C10orf67: variants seen among roughly 807,000 people sequenced by gnomAD.
C10orf67 encodes the protein chromosome 10 open reading frame 67, also known as uncharacterized protein C10orf67, mitochondrial.
Under a neutral mutation model 35.6 loss-of-function variants are expected in C10orf67, and 60 were observed. The ratio of observed to expected loss-of-function variants is 1.68; its 90% confidence interval spans 1.37 to 2.09. The LOEUF is 2.09. Among genes scored for constraint, C10orf67 ranks in the 30% most tolerant of loss-of-function variants. The probability of loss-of-function intolerance (pLI) is 0.00; values close to 1 mark genes in which losing one functional copy is unlikely to be tolerated. For synonymous variants in C10orf67, 167 were observed against 115.8 expected, an observed-to-expected ratio of 1.44 and a Z score of -2.84; for missense variants, 474 against 330.2, an observed-to-expected ratio of 1.44 and a Z score of -3.38.
intron 1 of C10orf67, among the ~76,000 whole-genome samples, chr10:23,340,326 G>A (rs1311070465): frequency 7.1e-6 from 1 of 140,754 alleles, no homozygotes; most frequent in Non-Finnish European, 1.5e-5. Context: ...GCAACGTGGT[G>A]AAGCCCTGTC....
chr10:23,224,618 TA>T (rs1239377092), intron 13 of C10orf67, among the ~76,000 whole-genome samples: 1 of 152,090 alleles, frequency 6.6e-6, no homozygotes. Context: ...GCAAAGAAGC[TA>T]AAAACCTTGA....
intron 13 of C10orf67, among the ~76,000 whole-genome samples, chr10:23,234,966 C>A (rs1358246377): frequency 3.6e-5 from 5 of 139,926 alleles, no homozygotes; most frequent in Non-Finnish European, 7.6e-5. Context: ...GAGCCGAGAT[C>A]GCACCATTGC....
chr10:23,269,447 G>A (rs1334704511), intron 8 of C10orf67, among the ~76,000 whole-genome samples: 2 of 151,884 alleles, frequency 1.3e-5, no homozygotes, highest in Non-Finnish European at 2.9e-5. Flanking sequence ...AATATTAAAA[G>A]TAGGCAAAAA....
At chr10:23,309,608 G>A (rs1488977765) in intron 4 of C10orf67, among the ~76,000 whole-genome samples, 1 of 152,204 alleles carries the variant, frequency 6.6e-6, no homozygotes, top group Non-Finnish European at 1.5e-5. Context: ...TAAAAATTAT[G>A]AGAAAGTGAT....
At chr10:23,308,990 T>C (rs771614465) in intron 4 of C10orf67, among the ~76,000 whole-genome samples, 4 of 152,054 alleles carry the variant, frequency 2.6e-5, no homozygotes, top group Non-Finnish European at 4.4e-5. Context: ...AACACTCTTC[T>C]TGGGGTCACT....
chr10:23,258,815 GTTCA>G, intron 10 of C10orf67, among the ~76,000 whole-genome samples: 1 of 152,302 alleles, frequency 6.6e-6, no homozygotes, highest in Middle Eastern at 3.4e-3. Context: ...GAATAGCAAT[GTTCA>G]TTGTCTGGAA....
At chr10:23,212,778 TGAGAGAGAGA>T (rs58972226) in intron 15 of C10orf67, among the ~76,000 whole-genome samples, 3,316 of 101,128 alleles carry the variant, frequency 0.033, 135 homozygotes, top group African/African-American at 0.1. Context: ...AATATTGTAT[TGAGAGAGAGA>T]GAGAGAGAGA....
intron 15 of C10orf67, among the ~76,000 whole-genome samples, chr10:23,222,762 A>G (rs1841620389): frequency 6.6e-6 from 1 of 152,146 alleles, no homozygotes; most frequent in African/African-American, 2.4e-5. Context: ...ACACGACAAA[A>G]TCTCAGCTGT....
chr10:23,223,570 C>T, intron 15 of C10orf67, 28 bp downstream of exon 15: 3 of 717,054 alleles, frequency 4.2e-6, no homozygotes, highest in Non-Finnish European at 7.8e-6. Flanking sequence ...CTGGTGTGAA[C>T]CTCATTTCCA....
intron 15 of C10orf67, among the ~76,000 whole-genome samples, chr10:23,219,127 A>G (rs1195142829): frequency 6.6e-6 from 1 of 152,224 alleles, no homozygotes; most frequent in Non-Finnish European, 1.5e-5. Flanking sequence ...ATTTTAAATT[A>G]TATCTAATAT....
intron 15 of C10orf67, among the ~76,000 whole-genome samples, chr10:23,212,908 GAATTCACTCCAGGTA>G (rs1841348770): frequency 6.6e-6 from 1 of 151,162 alleles, no homozygotes. Context: ...ATCAGAACAT[GAATTCACTCCAGGTA>G]AATTTAAGTT....
At chr10:23,273,223 A>G (rs1296628895) in intron 8 of C10orf67, among the ~76,000 whole-genome samples, 1 of 152,218 alleles carries the variant, frequency 6.6e-6, no homozygotes, top group Non-Finnish European at 1.5e-5. Context: ...ACAATGTTGA[A>G]TGGAAGTGAT....
chr10:23,244,130 A>G (rs1174193776), intron 12 of C10orf67, among the ~76,000 whole-genome samples: 1 of 152,156 alleles, frequency 6.6e-6, no homozygotes, highest in Admixed American at 6.5e-5. Flanking sequence ...AGCTCAAGCA[A>G]TCCTTCTGCC....
chr10:23,232,561 C>T lies in C10orf67; in HGVS notation c.1434+7168G>A, dbSNP rs141431553. 1.4e-3 allele frequency among the ~76,000 whole-genome samples: 213 copies of T among 152,266 alleles called. 1 individual carries two copies. The East Asian group carries it at 0.027, about 19-fold the overall frequency. On this transcript the variant is annotated intron_variant, in intron 13 of 15. Coordinates refer to ENST00000636213, the MANE Select transcript of C10orf67 (RefSeq NM_001371909.1). ...GCACTGGGATAAATCAACAAAGTTG[C>T]TCATGGGCTTAGACTATTGGATCAG... is the stretch of plus-strand genomic sequence containing the variant.
chr10:23,242,741 A>G (rs1393707300), intron 12 of C10orf67, among the ~76,000 whole-genome samples: 1 of 142,114 alleles, frequency 7.0e-6, no homozygotes, highest in Admixed American at 6.7e-5. Context: ...AGAAATTTCA[A>G]AAAAAGAAAA....
intron 1 of C10orf67, among the ~76,000 whole-genome samples, chr10:23,337,420 G>A (rs1299244293): frequency 6.6e-6 from 1 of 152,144 alleles, no homozygotes; most frequent in African/African-American, 2.4e-5. Context: ...TGTAGTCCCA[G>A]GTACTTGGGA....
chr10:23,331,922 A>G (rs991686482), intron 2 of C10orf67, among the ~76,000 whole-genome samples: 1 of 152,254 alleles, frequency 6.6e-6, no homozygotes, highest in East Asian at 1.9e-4. Context: ...GTATAAAAGA[A>G]GACAATAAAT....
intron 4 of C10orf67, among the ~76,000 whole-genome samples, chr10:23,311,000 T>C (rs1844474461): frequency 6.6e-6 from 1 of 152,046 alleles, no homozygotes; most frequent in South Asian, 2.1e-4. Flanking sequence ...AGGGTCTTGC[T>C]CTGTCACCCA....
chr10:23,257,550 C>A (rs1335157633), intron 10 of C10orf67, among the ~76,000 whole-genome samples: 1 of 152,174 alleles, frequency 6.6e-6, no homozygotes, highest in Admixed American at 6.5e-5. Flanking sequence ...CACCTGTAAT[C>A]CCAGCACTTT....
Sources: allele counts gnomAD v4.1 joint callset (sites outside exome capture counted in the v4.1 genomes callset), GRCh38; gene constraint gnomAD v4.1.1; transcripts MANE v1.5; gene names NCBI Gene and HGNC (gene_info 2026-07-23, HGNC 2026-07-21).